Variants in PPIG observed in about 807,000 individuals in gnomAD.
The protein encoded by PPIG is peptidylprolyl isomerase G, also known as peptidyl-prolyl cis-trans isomerase G.
A neutral mutation model predicts 87.9 loss-of-function variants in PPIG; 26 were observed. The observed-to-expected ratio is 0.30, with a 90% CI of 0.22 to 0.41. The LOEUF (loss-of-function observed/expected upper bound fraction) is 0.41. Ranked by LOEUF, PPIG falls within the 10% of genes least tolerant of loss-of-function variation. The probability of loss-of-function intolerance (pLI) is 1.00; values close to 1 mark genes in which losing one functional copy is unlikely to be tolerated. For synonymous variants in PPIG, 308 were observed against 276.5 expected, an observed-to-expected ratio of 1.11 and a Z score of -1.13; for missense variants, 722 against 879.4, an observed-to-expected ratio of 0.82 and a Z score of 2.26.
chr2:169,593,869 A>G (rs549662262), intron 1 of PPIG, among the ~76,000 whole-genome samples: 71 of 148,698 alleles, frequency 4.8e-4, no homozygotes, highest in Non-Finnish European at 8.5e-4. Flanking sequence ...GTTAGCCAGG[A>G]TGATCTCGAT....
Position 169,616,534 on chromosome 2 carries a change from A to G in PPIG, c.547+1810A>G, listed in dbSNP as rs370929187. On this transcript the variant is annotated intron_variant, in intron 9 of 13. Coordinates refer to ENST00000260970, the MANE Select transcript of PPIG (RefSeq NM_004792.3). ...GTTGTTTCCTGACTTTTTAATCACCATTCTAACTGGCGTGAGATGGTATCT... is the reference window on the plus strand; with the variant it reads ...GTTGTTTCCTGACTTTTTAATCACCGTTCTAACTGGCGTGAGATGGTATCT... Among the ~76,000 whole-genome samples the G allele has an allele frequency of 7.9e-5, 12 of 152,188 alleles. No homozygotes were observed. The South Asian group carries it at 2.5e-3, about 32-fold the overall frequency.
rs141062185 is a variant in PPIG, at chr2:169,638,887, A to G, written c.*1364A>G. 5.9e-5 allele frequency: 9 copies of G among 152,140 alleles called. No individual in the cohort carries two copies. Among genetic ancestry groups the G allele is most frequent in the Non-Finnish European group, 1.0e-4 (7 of 67,904 alleles). 9.4% of individuals were successfully genotyped at this position (152,140 alleles called of 1,614,324 possible). A position where few individuals can be genotyped will look rare whatever the true frequency, so the allele number is the denominator to read the frequency against. ...CCTGCCTCATTTGAAAAGGAATTTCAAAATTCCAATTAATAGGATTCTCTA... is the reference window on the plus strand; with the variant it reads ...CCTGCCTCATTTGAAAAGGAATTTCGAAATTCCAATTAATAGGATTCTCTA... On this transcript the variant is annotated 3_prime_UTR_variant, in exon 14 of 14. Coordinates refer to ENST00000260970, the MANE Select transcript of PPIG (RefSeq NM_004792.3).
intron 9 of PPIG, among the ~76,000 whole-genome samples, chr2:169,618,719 T>C (rs1310916496): frequency 6.6e-6 from 1 of 152,166 alleles, no homozygotes; most frequent in Non-Finnish European, 1.5e-5. Context: ...TCATTTTTTA[T>C]TGTGTCTATT....
At chr2:169,596,154 G>A (rs983029924) in intron 1 of PPIG, among the ~76,000 whole-genome samples, 1 of 151,918 alleles carries the variant, frequency 6.6e-6, no homozygotes. Context: ...AGGCTGGAGT[G>A]CAGTGGCGCG....
chr2:169,618,885 T>C (rs1685671841), intron 9 of PPIG, among the ~76,000 whole-genome samples: 1 of 152,054 alleles, frequency 6.6e-6, no homozygotes, highest in African/African-American at 2.4e-5. Flanking sequence ...TGCTCTGATC[T>C]TAGGTATTTC....
intron 7 of PPIG, among the ~76,000 whole-genome samples, chr2:169,610,256 T>C (rs1685450221): frequency 6.6e-6 from 1 of 152,202 alleles, no homozygotes; most frequent in Non-Finnish European, 1.5e-5. Context: ...GAATGAACAG[T>C]TGCCATCCCA....
At chr2:169,594,625 CTTTTTT>C (rs61375406) in intron 1 of PPIG, among the ~76,000 whole-genome samples, 4 of 114,634 alleles carry the variant, frequency 3.5e-5, no homozygotes, top group Non-Finnish European at 5.3e-5. Context: ...TCTTTCTTTT[CTTTTTT>C]TTTTTTTTTT....
intron 9 of PPIG, among the ~76,000 whole-genome samples, chr2:169,623,667 T>C (rs1394676708): frequency 6.6e-6 from 1 of 152,202 alleles, no homozygotes; most frequent in Non-Finnish European, 1.5e-5. Context: ...CAGGGTCCCA[T>C]TTCAGTGTCC....
intron 9 of PPIG, among the ~76,000 whole-genome samples, chr2:169,628,755 C>T (rs1447386856): frequency 1.3e-5 from 2 of 151,854 alleles, no homozygotes; most frequent in African/African-American, 4.8e-5. Context: ...GCCTAGGCAA[C>T]ATGGGGAGAA....
chr2:169,617,838 C>T (rs1685644067), intron 9 of PPIG, among the ~76,000 whole-genome samples: 2 of 152,072 alleles, frequency 1.3e-5, no homozygotes, highest in Admixed American at 1.3e-4. Context: ...ATGTGAATAC[C>T]CTTTATTTCT....
intron 9 of PPIG, among the ~76,000 whole-genome samples, chr2:169,626,701 T>C (rs892961982): frequency 4.6e-5 from 7 of 150,640 alleles, no homozygotes; most frequent in Admixed American, 4.0e-4. Context: ...AACTTTTTAA[T>C]CTTAGAGCTT....
intron 1 of PPIG, among the ~76,000 whole-genome samples, chr2:169,598,481 C>T (rs749965203): frequency 1.1e-4 from 17 of 151,942 alleles, no homozygotes; most frequent in South Asian, 2.1e-4. Flanking sequence ...TTAGGGGAGA[C>T]GGGGTTTCAC....
chr2:169,628,462 A>G (rs904669784), intron 9 of PPIG, among the ~76,000 whole-genome samples: 10 of 152,202 alleles, frequency 6.6e-5, no homozygotes, highest in Non-Finnish European at 1.3e-4. Flanking sequence ...AACTTCAGCC[A>G]GATTTTCATG....
chr2:169,595,202 G>A (rs947775829), intron 1 of PPIG, among the ~76,000 whole-genome samples: 3 of 152,180 alleles, frequency 2.0e-5, no homozygotes, highest in African/African-American at 7.2e-5. Flanking sequence ...TTATAGGCGT[G>A]AGCCACTGCG....
chr2:169,593,357 G>T (rs1319807059), intron 1 of PPIG, among the ~76,000 whole-genome samples: 1 of 151,844 alleles, frequency 6.6e-6, no homozygotes, highest in Non-Finnish European at 1.5e-5. Flanking sequence ...ACCATGCCCG[G>T]CTATTTTTTT....
intron 4 of PPIG, 49 bp from the exon 5 acceptor site, chr2:169,605,990 C>G (rs1685314925): frequency 2.0e-5 from 27 of 1,357,138 alleles, no homozygotes; most frequent in Non-Finnish European, 2.6e-5. Context: ...TGCTTTCATA[C>G]TACTTTGATT....
Position 169,636,713 on chromosome 2 carries a change from G to A in PPIG, c.1455G>A (p.Met485Ile), listed in dbSNP as rs935900117. The A allele has an allele frequency of 6.2e-7, 1 of 1,611,038 alleles. No homozygotes were observed. ...ATAATAGAAATGAAGAAAAGAGGAT[G>A]AGGTCAAGGAGTAAAGGAAGGGATC... is the stretch of plus-strand genomic sequence containing the variant. ...SKHNRNEEKR[M>I]RSRSKGRDHE... is the part of the protein sequence containing the mutation. Residue 485 changes from methionine (M) to isoleucine (I), a missense_variant, in exon 14 of 14, where the codon ATG (methionine) becomes ATA (isoleucine). Around this residue, in one of 4 missense-constraint regions of PPIG, gnomAD observed 476 missense variants for 483.1 expected, o/e 0.99. Transcript: ENST00000260970.
intron 7 of PPIG, among the ~76,000 whole-genome samples, chr2:169,609,657 A>C (rs1685432179): frequency 6.6e-6 from 1 of 152,174 alleles, no homozygotes. Context: ...AGGAACCAGC[A>C]GTCTACACTG....
chr2:169,600,790 AC>A (rs565553469), intron 1 of PPIG, among the ~76,000 whole-genome samples: 145 of 152,328 alleles, frequency 9.5e-4, no homozygotes, highest in Non-Finnish European at 1.6e-3. Flanking sequence ...AATAAAAATC[AC>A]CTATAACTCA....
Sources: gnomAD v4.1 joint callset for allele counts (sites outside exome capture counted in the v4.1 genomes callset) on GRCh38, gnomAD v4.1.1 for gene constraint, gnomAD v4.1.1 regional missense constraint, MANE v1.5 for transcripts, NCBI Gene and HGNC (gene_info 2026-07-23, HGNC 2026-07-21) for gene names.